AFF3: variants seen among roughly 807,000 people sequenced by gnomAD.
AFF3 encodes the protein ALF transcription elongation factor 3.
AFF3 carries 32 observed loss-of-function variants against 129.7 expected under a neutral mutation model. The ratio of observed to expected loss-of-function variants is 0.25; its 90% confidence interval spans 0.19 to 0.33. AFF3 has a LOEUF of 0.33. Ranked by LOEUF, AFF3 falls within the 10% of genes least tolerant of loss-of-function variation. The pLI, the probability that AFF3 is intolerant of heterozygous loss-of-function variation, is 1.00. For synonymous variants in AFF3, 644 were observed against 635.4 expected, an observed-to-expected ratio of 1.01 and a Z score of -0.20; for missense variants, 1,373 against 1,592.0, an observed-to-expected ratio of 0.86 and a Z score of 2.34.
chr2:99,742,095 CCT>C (rs1325045954), intron 10 of AFF3, among the ~76,000 whole-genome samples: 3 of 152,128 alleles, frequency 2.0e-5, no homozygotes, highest in African/African-American at 7.2e-5. Context: ...GTGGCTCACA[CCT>C]ATAATCTCAG....
In AFF3 at chr2:99,998,869, G is replaced by A. The variant is rs574447815; in HGVS notation, c.873+7763C>T. The stretch of plus-strand genomic sequence containing the variant: ...GGAAACAGCACCCCATGGGGCCAAT[G>A]GGTGTTTCTAAGAACTCTGCATATT... On this transcript the variant is annotated intron_variant, in intron 7 of 24. Transcript: ENST00000672756. Among the ~76,000 whole-genome samples the A allele has an allele frequency of 3.9e-5, 6 of 152,268 alleles. No individual in the cohort carries two copies. In the South Asian group the frequency reaches 1.0e-3, roughly 26 times the overall value.
intron 7 of AFF3, among the ~76,000 whole-genome samples, chr2:99,862,625 G>A (rs949312668): frequency 6.6e-6 from 1 of 152,244 alleles, no homozygotes; most frequent in Non-Finnish European, 1.5e-5. Flanking sequence ...CACATTCCTA[G>A]CTTGTTCCTT....
chr2:99,708,310 C>T (rs919940960), intron 11 of AFF3, among the ~76,000 whole-genome samples: 17 of 152,156 alleles, frequency 1.1e-4, no homozygotes, highest in African/African-American at 2.4e-4. Flanking sequence ...TCCTCTTGAA[C>T]GCTTTTTGTC....
At chr2:99,947,501 AAGAAAGAAAAAGAGAGAGAGAG>A (rs1675685256) in intron 7 of AFF3, among the ~76,000 whole-genome samples, 1 of 104,102 alleles carries the variant, frequency 9.6e-6, no homozygotes, top group African/African-American at 5.0e-5. Flanking sequence ...AAGAAAAAGA[AAGAAAGAAAAAGAGAGAGAGAG>A]AAAGAAAGAA....
chr2:99,703,442 T>G (rs556638343), intron 11 of AFF3, among the ~76,000 whole-genome samples: 8 of 152,326 alleles, frequency 5.3e-5, no homozygotes, highest in African/African-American at 1.7e-4. Context: ...GATGTGAAGT[T>G]TGGATTGAAG....
intron 7 of AFF3, among the ~76,000 whole-genome samples, chr2:99,848,394 T>C (rs1292029128): frequency 2.0e-5 from 3 of 152,204 alleles, no homozygotes; most frequent in Non-Finnish European, 2.9e-5. Flanking sequence ...CCTAACACTG[T>C]GTATGAGATC....
chr2:100,060,679 C>A (rs1687197907), intron 4 of AFF3, among the ~76,000 whole-genome samples: 1 of 152,064 alleles, frequency 6.6e-6, no homozygotes. Flanking sequence ...GTGCAGAGAA[C>A]CCTTGTATAC....
At chr2:99,627,589 G>T (rs140629141) in intron 13 of AFF3, among the ~76,000 whole-genome samples, 17,991 of 152,136 alleles carry the variant, frequency 0.12, 1,139 homozygotes, top group East Asian at 0.16. Flanking sequence ...TGGATCCCAT[G>T]TGTCAATTTT....
intron 7 of AFF3, among the ~76,000 whole-genome samples, chr2:99,852,028 T>C (rs1690181372): frequency 6.6e-6 from 1 of 152,164 alleles, no homozygotes; most frequent in African/African-American, 2.4e-5. Context: ...CATGAACTGG[T>C]AACCCAGCAG....
chr2:99,614,580 T>C (rs994757754), intron 13 of AFF3, among the ~76,000 whole-genome samples: 27 of 152,322 alleles, frequency 1.8e-4, no homozygotes, highest in African/African-American at 4.8e-4. Flanking sequence ...AATAAGCCAT[T>C]AGTTCTTAAC....
chr2:99,756,638 C>T (rs1178609774), intron 8 of AFF3, among the ~76,000 whole-genome samples: 1 of 152,162 alleles, frequency 6.6e-6, no homozygotes, highest in Non-Finnish European at 1.5e-5. Context: ...CTTTTTCCCC[C>T]AAGACTGACA....
At chr2:100,053,515 T>C (rs966458178) in intron 4 of AFF3, among the ~76,000 whole-genome samples, 4 of 152,248 alleles carry the variant, frequency 2.6e-5, no homozygotes, top group African/African-American at 9.6e-5. Context: ...CCTTTCATAG[T>C]TGTCTTTTAG....
intron 13 of AFF3, among the ~76,000 whole-genome samples, chr2:99,627,110 T>G (rs1682658701): frequency 6.6e-6 from 1 of 152,248 alleles, no homozygotes; most frequent in Non-Finnish European, 1.5e-5. Context: ...ATGGAATTGC[T>G]GGGTTGAACA....
intron 7 of AFF3, among the ~76,000 whole-genome samples, chr2:99,950,116 A>C (rs1676003657): frequency 6.6e-6 from 1 of 152,226 alleles, no homozygotes; most frequent in Non-Finnish European, 1.5e-5. Context: ...GGCAGGCAAC[A>C]ACACACTACT....
At chr2:100,010,038 A>C (rs1682369898) in intron 4 of AFF3, among the ~76,000 whole-genome samples, 1 of 152,154 alleles carries the variant, frequency 6.6e-6, no homozygotes, top group East Asian at 1.9e-4. Flanking sequence ...GGTTCTCCCC[A>C]AATCAGCGAC....
chr2:99,592,932 TCC>T (rs1553394536), intron 15 of AFF3, among the ~76,000 whole-genome samples: 98 of 51,580 alleles, frequency 1.9e-3, no homozygotes, highest in Admixed American at 6.7e-3. Flanking sequence ...TGAGACTCCC[TCC>T]CCCCCCCCCA....
chr2:99,843,003 T>C (rs1207378271), intron 7 of AFF3, among the ~76,000 whole-genome samples: 2 of 152,214 alleles, frequency 1.3e-5, no homozygotes, highest in African/African-American at 4.8e-5. Context: ...CTTCAAGCAC[T>C]CAAAAGACCC....
rs567703442 is a variant in AFF3, at chr2:100,138,058, A to T, written c.-228+4426T>A. Among the ~76,000 whole-genome samples the T allele has an allele frequency of 1.0e-3, 153 of 152,260 alleles. 1 individual carries two copies. Among genetic ancestry groups the T allele is most frequent in the African/African-American group, 3.6e-3 (148 of 41,552 alleles). Reference sequence around the variant, plus strand: ...CACCAACGATTAGATTGCCCATGATAACAAGCCAGCCTCCACTCAGAGCTC... The same window carrying T: ...CACCAACGATTAGATTGCCCATGATTACAAGCCAGCCTCCACTCAGAGCTC... On this transcript the variant is annotated intron_variant, in intron 1 of 24. Coordinates refer to ENST00000672756, the MANE Select transcript of AFF3 (RefSeq NM_001386135.1).
rs915467036 is a variant in AFF3, at chr2:99,710,638, T to A, written c.1091+16439A>T. ...TGAAATCCCATGGAATCCTTATTTT[T>A]AAAGCAAGAATAGCCTTTTTTGACA... On this transcript the variant is annotated intron_variant, in intron 11 of 24. Coordinates refer to ENST00000672756, the MANE Select transcript of AFF3 (RefSeq NM_001386135.1). Among the ~76,000 whole-genome samples the A allele has an allele frequency of 2.0e-5, 3 of 152,288 alleles. No homozygotes were observed. The East Asian group carries it at 5.8e-4, about 29-fold the overall frequency.
Sources: allele counts gnomAD v4.1 joint callset (sites outside exome capture counted in the v4.1 genomes callset), GRCh38; gene constraint gnomAD v4.1.1; transcripts MANE v1.5; gene names NCBI Gene and HGNC (gene_info 2026-07-23, HGNC 2026-07-21).